Variants in GRXCR1 observed in about 807,000 individuals in gnomAD.
GRXCR1 encodes glutaredoxin domain-containing cysteine-rich protein 1.
A neutral mutation model predicts 27.3 loss-of-function variants in GRXCR1; 27 were observed. The ratio of observed to expected loss-of-function variants is 0.99; its 90% confidence interval spans 0.73 to 1.37. The LOEUF is 1.37. GRXCR1 is among the 40% of genes most tolerant of loss of function. The pLI is 0.00. For synonymous variants in GRXCR1, 122 were observed against 131.1 expected (o/e 0.93, Z 0.47); for missense variants, 379 against 354.4 (o/e 1.07, Z -0.56).
At chr4:42,918,946 T>G (rs186867299) in intron 1 of GRXCR1, among the ~76,000 whole-genome samples, 1 of 152,218 alleles carries the variant, frequency 6.6e-6, no homozygotes, top group East Asian at 1.9e-4. Context: ...AAAAGAGAGA[T>G]GGTCAAAACA....
chr4:42,915,945 G>A (rs916095347), intron 1 of GRXCR1, among the ~76,000 whole-genome samples: 1 of 151,720 alleles, frequency 6.6e-6, no homozygotes. Flanking sequence ...TAAACTTAGA[G>A]TTACAATGCC....
In GRXCR1 at chr4:43,030,416, G is replaced by C; in HGVS notation, c.749G>C (p.Cys250Ser). The C allele has an allele frequency of 1.2e-6, 2 of 1,613,998 alleles. No homozygotes were observed. The highest frequency in any genetic ancestry group is 1.7e-6 in the Non-Finnish European group (2 of 1,179,984). ...TGTGGAGGCTTTGGCTTTCTTCCAT[G>C]CTCCGTGTGCCATGGGAGCAAGATG... ...PSCGGFGFLP[C>S]SVCHGSKMSM... Residue 250 changes from cysteine (C) to serine (S), a missense_variant, in exon 4 of 4, where the codon TGC (cysteine) becomes TCC (serine). By Grantham distance (112) the Cys-to-Ser change is moderately radical. Coordinates refer to ENST00000399770, the MANE Select transcript of GRXCR1 (RefSeq NM_001080476.3).
chr4:42,978,332 A>T (rs1748571726), intron 2 of GRXCR1, among the ~76,000 whole-genome samples: 1 of 151,944 alleles, frequency 6.6e-6, no homozygotes, highest in African/African-American at 2.4e-5. Flanking sequence ...TAACTTTTTA[A>T]TTTCTGTGAA....
chr4:42,955,858 G>C (rs1329760537), intron 1 of GRXCR1, among the ~76,000 whole-genome samples: 1 of 152,044 alleles, frequency 6.6e-6, no homozygotes, highest in East Asian at 1.9e-4. Context: ...GAGCTAAAAA[G>C]ACATAGCTTG....
Position 42,929,661 on chromosome 4 carries a change from C to T in GRXCR1, c.385-33231C>T, listed in dbSNP as rs565671993. 3.9e-5 allele frequency among the ~76,000 whole-genome samples: 6 copies of T among 151,976 alleles called. No homozygotes were observed. In the South Asian group the frequency reaches 1.2e-3, roughly 32 times the overall value. On this transcript the variant is annotated intron_variant, in intron 1 of 3. Transcript: ENST00000399770. ...GACGGAGAAATGCTACTTAAAGTCA[C>T]ACAAGTGTAGGCTGCCTGAGCCTCT...
rs148326320 is a variant in GRXCR1 at position 42,963,338 on chromosome 4, A to T, written c.627+204A>T. Among the ~76,000 whole-genome samples, 793 of 152,172 alleles carry T rather than the reference A, an allele frequency of 5.2e-3. 6 individuals carry two copies. The highest frequency in any genetic ancestry group is 0.018 in the African/African-American group (757 of 41,568). The stretch of plus-strand genomic sequence containing the variant: ...CTCCCTGAAGAAGTACAGTGAGATA[A>T]AATCAACAAGAAACTGCATTTTTGA... On this transcript the variant is annotated intron_variant, in intron 2 of 3. Transcript: ENST00000399770.
Position 42,916,126 on chromosome 4 carries a change from G to A in GRXCR1, c.384+22476G>A, listed in dbSNP as rs369682095. ...AAAAAAAAAAAGATTACTGAAGCAT[G>A]TGCTTTTGTAAAACAGAAAGTTATA... is the stretch of plus-strand genomic sequence containing the variant. On this transcript the variant is annotated intron_variant, in intron 1 of 3. Coordinates refer to ENST00000399770, the MANE Select transcript of GRXCR1 (RefSeq NM_001080476.3). Among the ~76,000 whole-genome samples the A allele has an allele frequency of 2.5e-3, 374 of 151,060 alleles. 3 individuals carry two copies. The highest frequency in any genetic ancestry group is 8.9e-3 in the African/African-American group (365 of 41,212).
chr4:42,986,097 GGTTTT>G (rs1711715752), intron 2 of GRXCR1, among the ~76,000 whole-genome samples: 1 of 152,066 alleles, frequency 6.6e-6, no homozygotes, highest in Admixed American at 6.6e-5. Context: ...ATTGTGTTGT[GGTTTT>G]GTTTTGTTTT....
intron 1 of GRXCR1, among the ~76,000 whole-genome samples, chr4:42,908,790 G>A (rs1746654498): frequency 6.6e-6 from 1 of 152,146 alleles, no homozygotes. Context: ...ATGAATACAG[G>A]CAATGAAAGG....
chr4:42,990,723 T>A (rs1405161460), intron 2 of GRXCR1, among the ~76,000 whole-genome samples: 1 of 152,116 alleles, frequency 6.6e-6, no homozygotes, highest in Non-Finnish European at 1.5e-5. Flanking sequence ...TGACCCATAA[T>A]ATGCCTATTA....
chr4:42,986,474 C>A (rs66501569), intron 2 of GRXCR1, among the ~76,000 whole-genome samples: 53,447 of 151,814 alleles, frequency 0.35, 9,591 homozygotes, highest in East Asian at 0.39. Flanking sequence ...ACTGGGGAGG[C>A]TGGATTAGGA....
intron 1 of GRXCR1, among the ~76,000 whole-genome samples, chr4:42,941,546 C>T (rs189532990): frequency 1.7e-4 from 26 of 152,040 alleles, no homozygotes; most frequent in African/African-American, 6.3e-4. Context: ...TCCTGAAAAA[C>T]CTTTCAATTT....
chr4:42,944,546 G>T (rs1409759695), intron 1 of GRXCR1, among the ~76,000 whole-genome samples: 1 of 152,062 alleles, frequency 6.6e-6, no homozygotes, highest in African/African-American at 2.4e-5. Flanking sequence ...CCTCATAAGG[G>T]CTGGGTGGCA....
At chr4:42,934,895 T>C (rs1462881936) in intron 1 of GRXCR1, among the ~76,000 whole-genome samples, 2 of 151,986 alleles carry the variant, frequency 1.3e-5, no homozygotes, top group African/African-American at 2.4e-5. Context: ...TACACTTTTC[T>C]CTGAAGTTTA....
intron 1 of GRXCR1, among the ~76,000 whole-genome samples, chr4:42,959,576 T>C (rs1289068460): frequency 6.6e-6 from 1 of 152,016 alleles, no homozygotes; most frequent in Admixed American, 6.6e-5. Context: ...CTATGTGGAA[T>C]AATGTATGTA....
At chr4:42,984,167 G>T (rs1711601168) in intron 2 of GRXCR1, among the ~76,000 whole-genome samples, 1 of 152,068 alleles carries the variant, frequency 6.6e-6, no homozygotes, top group Admixed American at 6.6e-5. Flanking sequence ...GCTCTATTCT[G>T]CTATTAATGC....
At chr4:42,914,080 G>A (rs1746829634) in intron 1 of GRXCR1, among the ~76,000 whole-genome samples, 1 of 152,236 alleles carries the variant, frequency 6.6e-6, no homozygotes, top group South Asian at 2.1e-4. Context: ...GAGAACCTCT[G>A]CTAGGGCAGT....
chr4:42,943,083 A>G (rs1747661339), intron 1 of GRXCR1, among the ~76,000 whole-genome samples: 1 of 152,086 alleles, frequency 6.6e-6, no homozygotes, highest in East Asian at 1.9e-4. Context: ...TAGAGGTACC[A>G]GAGTTAAATC....
intron 2 of GRXCR1, among the ~76,000 whole-genome samples, chr4:43,013,882 A>T (rs994353995): frequency 1.3e-5 from 2 of 152,132 alleles, no homozygotes. Context: ...CACCCTTGCG[A>T]ACATCTAGTT....
Sources: allele counts gnomAD v4.1 joint callset (sites outside exome capture counted in the v4.1 genomes callset), GRCh38; gene constraint gnomAD v4.1.1; transcripts MANE v1.5; gene names NCBI Gene and HGNC (gene_info 2026-07-23, HGNC 2026-07-21).